CELF2: variants seen among roughly 807,000 people sequenced by gnomAD.
The protein encoded by CELF2 is CUG triplet repeat RNA-binding protein 2.
A neutral mutation model predicts 62.6 loss-of-function variants in CELF2; 8 were observed. The observed-to-expected ratio is 0.13, with a 90% confidence interval of 0.07 to 0.23. The LOEUF (loss-of-function observed/expected upper bound fraction) is 0.23, where lower values mean the gene tolerates loss of function less well. Ranked by LOEUF, CELF2 falls within the 10% of genes least tolerant of loss-of-function variation. CELF2 has a pLI of 1.00. For missense variants in CELF2, 333 were observed against 671.0 expected (o/e 0.50, Z 5.56); for synonymous variants, 258 against 250.0 (o/e 1.03, Z -0.30).
rs1448331619 is a variant in CELF2 at position 11,217,978 on chromosome 10, A to G, written c.354+471A>G. Among the ~76,000 whole-genome samples the G allele has an allele frequency of 1.3e-5, 2 of 152,234 alleles. No homozygotes were observed. The highest frequency in any genetic ancestry group is 4.8e-5 in the African/African-American group (2 of 41,464). ...GGTTTCTAAACAGTCAATGGTGGTT[A>G]ACAAAGTCAGTGTTTTAATACCCAA... On this transcript the variant is annotated intron_variant, in intron 3 of 12. Transcript: ENST00000633077. The surrounding 1 kb of genome is among the most constrained non-coding windows in gnomAD (Gnocchi z 5.6).
At chr10:11,126,103 T>A (rs944894229) in intron 1 of CELF2, among the ~76,000 whole-genome samples, 1 of 152,248 alleles carries the variant, frequency 6.6e-6, no homozygotes, top group Non-Finnish European at 1.5e-5. Flanking sequence ...GTAGTCAAGA[T>A]ACGCTGTCTG....
At chr10:10,695,018 T>C in the CELF2 span, among the ~76,000 whole-genome samples, 1 of 150,746 alleles carries the variant, frequency 6.6e-6, no homozygotes, top group East Asian at 1.9e-4. Flanking sequence ...TTAAAGTTAA[T>C]ATTGTTATGT....
At chr10:10,500,762 A>G in the CELF2 span, among the ~76,000 whole-genome samples, 3 of 152,138 alleles carry the variant, frequency 2.0e-5, no homozygotes, top group Middle Eastern at 3.2e-3. Context: ...AAGACCCCTT[A>G]CCTTGCCTTT....
At chr10:10,598,595 A>G in the CELF2 span, among the ~76,000 whole-genome samples, 2 of 152,156 alleles carry the variant, frequency 1.3e-5, no homozygotes, top group East Asian at 3.8e-4. Flanking sequence ...ATGAAGCTAC[A>G]CATATCTGTG....
intron 1 of CELF2, among the ~76,000 whole-genome samples, chr10:11,081,688 G>A (rs2074072846): frequency 6.6e-6 from 1 of 152,208 alleles, no homozygotes; most frequent in Non-Finnish European, 1.5e-5. Flanking sequence ...ATTTGTACGA[G>A]GAGATTTTGA....
the CELF2 span, among the ~76,000 whole-genome samples, chr10:10,663,604 G>C: frequency 1.3e-5 from 2 of 152,174 alleles, no homozygotes; most frequent in Non-Finnish European, 2.9e-5. Flanking sequence ...AGAAGAGAGA[G>C]TAAAATTGTT....
chr10:10,628,775 A>G, the CELF2 span, among the ~76,000 whole-genome samples: 2 of 152,230 alleles, frequency 1.3e-5, no homozygotes, highest in Non-Finnish European at 2.9e-5. Flanking sequence ...GCACATGTAT[A>G]CATATGTAAC....
the CELF2 span, among the ~76,000 whole-genome samples, chr10:10,510,205 T>G: frequency 6.6e-6 from 1 of 152,230 alleles, no homozygotes; most frequent in Non-Finnish European, 1.5e-5. Flanking sequence ...TATCATTAGA[T>G]TCACCTCCTA....
chr10:10,586,870 T>C, the CELF2 span, among the ~76,000 whole-genome samples: 2 of 152,170 alleles, frequency 1.3e-5, no homozygotes, highest in South Asian at 2.1e-4. Context: ...ACCAGGTGGA[T>C]TGTATACGGC....
At chr10:11,065,206 C>T (rs780561722) in intron 1 of CELF2, among the ~76,000 whole-genome samples, 1 of 152,128 alleles carries the variant, frequency 6.6e-6, no homozygotes, top group Non-Finnish European at 1.5e-5. Context: ...CTGGTGGCCA[C>T]GAGTTTGATG....
the CELF2 span, among the ~76,000 whole-genome samples, chr10:10,677,544 C>A: frequency 2.0e-3 from 303 of 152,306 alleles, no homozygotes; most frequent in Non-Finnish European, 3.7e-3. Context: ...ATCAGTGTCT[C>A]TAGAGTGGGA....
At chr10:10,516,359 C>A in the CELF2 span, among the ~76,000 whole-genome samples, 1 of 152,092 alleles carries the variant, frequency 6.6e-6, no homozygotes. Flanking sequence ...ATTTTTGACA[C>A]TGAGGAAGTT....
intron 3 of CELF2, among the ~76,000 whole-genome samples, chr10:11,219,749 A>G (rs1565376922): frequency 2.6e-5 from 4 of 152,262 alleles, no homozygotes; most frequent in African/African-American, 7.2e-5. Flanking sequence ...GTGGACAGAA[A>G]GAAATGGGAC....
At chr10:10,485,236 C>A in the CELF2 span, among the ~76,000 whole-genome samples, 1 of 152,126 alleles carries the variant, frequency 6.6e-6, no homozygotes, top group Non-Finnish European at 1.5e-5. Flanking sequence ...ATGTTTAAGG[C>A]AGTGATGAGT....
chr10:11,248,539 G>T (rs187950229), intron 3 of CELF2, among the ~76,000 whole-genome samples: 1 of 152,108 alleles, frequency 6.6e-6, no homozygotes, highest in Non-Finnish European at 1.5e-5. Flanking sequence ...ACCAAAGTCA[G>T]TCAACTGCTA....
At chr10:11,265,734 T>A (rs1201057725) in intron 5 of CELF2, among the ~76,000 whole-genome samples, 4 of 152,244 alleles carry the variant, frequency 2.6e-5, no homozygotes, top group African/African-American at 9.6e-5. Context: ...CTACAGAGTC[T>A]AGTTATTTTA....
the CELF2 span, among the ~76,000 whole-genome samples, chr10:10,547,951 G>A: frequency 6.6e-6 from 1 of 152,166 alleles, no homozygotes; most frequent in African/African-American, 2.4e-5. Context: ...GTCATGTGGA[G>A]AGGGATGCCA....
chr10:10,959,815 G>A (rs956239648), intron 2 of CELF2, among the ~76,000 whole-genome samples: 1 of 152,216 alleles, frequency 6.6e-6, no homozygotes. Context: ...TGTGGAAAAT[G>A]TGTCTGGTTG....
At chr10:10,489,562 A>T in the CELF2 span, among the ~76,000 whole-genome samples, 5 of 152,256 alleles carry the variant, frequency 3.3e-5, no homozygotes, top group South Asian at 8.3e-4. Flanking sequence ...GTATATTAGA[A>T]ATGAATTCAA....
Sources: allele counts gnomAD v4.1 joint callset (sites outside exome capture counted in the v4.1 genomes callset), GRCh38; gene constraint gnomAD v4.1.1; non-coding constraint Gnocchi (gnomAD v3.1); transcripts MANE v1.5; gene names NCBI Gene and HGNC (gene_info 2026-07-23, HGNC 2026-07-21).